Variants in FAM184A observed in about 807,000 individuals in gnomAD.
The protein encoded by FAM184A is protein FAM184A.
A neutral mutation model predicts 143.8 loss-of-function variants in FAM184A; 99 were observed. That is an observed-to-expected ratio of 0.69 (90% confidence interval 0.58 to 0.81). The LOEUF is 0.81. Ranked by LOEUF, FAM184A falls within the 40% of genes least tolerant of loss-of-function variation. The pLI is 0.00. For synonymous variants in FAM184A, 427 were observed against 446.4 expected, an observed-to-expected ratio of 0.96 and a Z score of 0.55; for missense variants, 1,217 against 1,310.5, an observed-to-expected ratio of 0.93 and a Z score of 1.10.
At chr6:119,094,855 T>G (rs1788464972) in intron 1 of FAM184A, among the ~76,000 whole-genome samples, 1 of 151,996 alleles carries the variant, frequency 6.6e-6, no homozygotes. Context: ...AGGAACCATG[T>G]GGAATACACT....
chr6:119,019,081 A>T (rs1240758582), intron 4 of FAM184A, among the ~76,000 whole-genome samples: 2 of 152,222 alleles, frequency 1.3e-5, no homozygotes, highest in South Asian at 2.1e-4. Flanking sequence ...GCTATCACTG[A>T]ATAAGTGACA....
intron 1 of FAM184A, among the ~76,000 whole-genome samples, chr6:119,120,148 C>T (rs12216301): frequency 0.17 from 25,598 of 152,210 alleles, 3,432 homozygotes; most frequent in African/African-American, 0.37. Flanking sequence ...AAAAGAAACC[C>T]TGCACCCATT....
At position 118,980,913 on chromosome 6, in the gene FAM184A, C is replaced by T. The variant is rs148608870; in HGVS notation, c.2089-563G>A. On this transcript the variant is annotated intron_variant, in intron 9 of 17. Coordinates refer to ENST00000338891, the MANE Select transcript of FAM184A (RefSeq NM_024581.6). ...GCTAAGATTATTTGAGAATTAAAAA[C>T]CTACTGTTTAAAAGATACATCAGTT... Among the ~76,000 whole-genome samples, 857 of 152,256 alleles carry T rather than the reference C, an allele frequency of 5.6e-3. 4 individuals are homozygous for T. Among genetic ancestry groups the T allele is most frequent in the Non-Finnish European group, 9.2e-3 (629 of 68,004 alleles).
chr6:119,006,681 T>C, intron 6 of FAM184A, 73 bp from the exon 7 acceptor site: 2 of 1,199,444 alleles, frequency 1.7e-6, no homozygotes, highest in East Asian at 5.2e-5. Flanking sequence ...AATTTCTTCC[T>C]AAAGTTTTTT....
Position 118,975,993 on chromosome 6 carries a change from A to T in FAM184A, c.2507T>A (p.Leu836Ter). 1 of 1,613,598 alleles carries T rather than the reference A, an allele frequency of 6.2e-7. No individual in the cohort carries two copies. The highest frequency in any genetic ancestry group is 1.3e-5 in the African/African-American group (1 of 75,044). The part of the protein sequence containing the change: ...NHQHAAAIDL[L>*]RHNHHQELAA... The stretch of plus-strand genomic sequence containing the variant: ...CAATTCTTGATGATGATTATGCCGT[A>T]ACAAATCAATTGCAGCTGCATGTTG... The change falls in exon 12 of 18, where the codon TTA becomes TAA. Residue 836 changes from leucine to a stop codon, truncating the protein, a stop_gained. Coordinates refer to ENST00000338891, the MANE Select transcript of FAM184A (RefSeq NM_024581.6). LOFTEE classifies it high-confidence loss of function.
chr6:119,141,538 G>A (rs554735296), intron 1 of FAM184A, among the ~76,000 whole-genome samples: 9 of 152,158 alleles, frequency 5.9e-5, no homozygotes, highest in East Asian at 5.8e-4. Flanking sequence ...AGGCAGTGGC[G>A]CGATCTTGGC....
chr6:119,042,598 A>G (rs1242064268), intron 1 of FAM184A, among the ~76,000 whole-genome samples: 2 of 152,228 alleles, frequency 1.3e-5, no homozygotes, highest in Non-Finnish European at 2.9e-5. Context: ...ACTGCTAACA[A>G]GAGCACAGAG....
intron 1 of FAM184A, among the ~76,000 whole-genome samples, chr6:119,110,596 C>T (rs757422319): frequency 6.6e-6 from 1 of 152,044 alleles, no homozygotes; most frequent in South Asian, 2.1e-4. Flanking sequence ...AGCCAGAGGC[C>T]GTTCCTCATG....
At chr6:119,118,758 C>T (rs1319371420) in intron 1 of FAM184A, among the ~76,000 whole-genome samples, 1 of 151,788 alleles carries the variant, frequency 6.6e-6, no homozygotes, top group Non-Finnish European at 1.5e-5. Flanking sequence ...GCGTTAACAG[C>T]ACAAATTGTT....
chr6:119,005,955 T>C (rs757289722), intron 7 of FAM184A: 1 of 591,224 alleles, frequency 1.7e-6, no homozygotes, highest in East Asian at 2.8e-5. Context: ...TCGGTTGAAC[T>C]GGGTCCCCAA....
chr6:119,003,663 A>T, intron 7 of FAM184A, 41 bp from the exon 8 acceptor site: 1 of 1,559,878 alleles, frequency 6.4e-7, no homozygotes, highest in Non-Finnish European at 8.7e-7. Context: ...AAACTTCAAA[A>T]ACAAACACTG....
In FAM184A at chr6:119,029,461, A is replaced by G. The variant is rs562446719; in HGVS notation, c.160-4648T>C. Among the ~76,000 whole-genome samples the G allele has an allele frequency of 2.0e-5, 3 of 152,254 alleles. No individual in the cohort carries two copies. The South Asian group carries it at 6.2e-4, about 32-fold the overall frequency. Reference sequence around the variant, plus strand: ...TGACCACCCAAATCCATAAGAGTCTATCTTTTCTTTATATCTAGAACCTCC... The same window carrying G: ...TGACCACCCAAATCCATAAGAGTCTGTCTTTTCTTTATATCTAGAACCTCC... On this transcript the variant is annotated intron_variant, in intron 1 of 17. Transcript: ENST00000338891.
intron 9 of FAM184A, among the ~76,000 whole-genome samples, chr6:118,988,648 T>G (rs1251320759): frequency 6.6e-6 from 1 of 152,146 alleles, no homozygotes; most frequent in African/African-American, 2.4e-5. Flanking sequence ...AATAATCTGG[T>G]TTTATATTAG....
chr6:119,110,181 G>A (rs1788897481), intron 1 of FAM184A, among the ~76,000 whole-genome samples: 2 of 152,130 alleles, frequency 1.3e-5, no homozygotes, highest in African/African-American at 4.8e-5. Context: ...CCTCACCTGG[G>A]CCATCATCAC....
upstream of FAM184A, among the ~76,000 whole-genome samples, chr6:119,081,928 G>T (rs1473378158): frequency 6.6e-6 from 1 of 152,186 alleles, no homozygotes; most frequent in Non-Finnish European, 1.5e-5. Flanking sequence ...ACATCCAGCT[G>T]CCTGTGTGTT....
At position 119,003,814 on chromosome 6, in the gene FAM184A, A is replaced by G. The variant is rs1658679574; in HGVS notation, c.1816-192T>C. On this transcript the variant is annotated intron_variant, in intron 7 of 17. Coordinates refer to ENST00000338891, the MANE Select transcript of FAM184A (RefSeq NM_024581.6). ...ATATGTAAAACAAATTTTATATTTTACATGTTCTTGTCTAAACTGTATTTT... is the reference window on the plus strand; with the variant it reads ...ATATGTAAAACAAATTTTATATTTTGCATGTTCTTGTCTAAACTGTATTTT... Among the ~76,000 whole-genome samples, 3 of 152,238 alleles carry G rather than the reference A, an allele frequency of 2.0e-5. No homozygotes were observed. The South Asian group carries it at 6.2e-4, about 31-fold the overall frequency.
At chr6:119,087,478 C>T (rs980877921) in intron 1 of FAM184A, among the ~76,000 whole-genome samples, 1 of 152,116 alleles carries the variant, frequency 6.6e-6, no homozygotes, top group African/African-American at 2.4e-5. Flanking sequence ...CTAATAAACA[C>T]ATAAAAAGAT....
intron 1 of FAM184A, among the ~76,000 whole-genome samples, chr6:119,066,299 T>G (rs1787450436): frequency 6.6e-6 from 1 of 152,198 alleles, no homozygotes; most frequent in African/African-American, 2.4e-5. Context: ...AGAACTTGTT[T>G]CCCTGCCTTT....
At position 118,959,954 on chromosome 6, in the gene FAM184A, T is replaced by C; in HGVS notation, c.*149A>G. Reference sequence around the variant, plus strand: ...CCTTATAGAATGATTCCAATAAATATCACAGGAAATACAGTGCATTTTCAA... The same window carrying C: ...CCTTATAGAATGATTCCAATAAATACCACAGGAAATACAGTGCATTTTCAA... On this transcript the variant is annotated 3_prime_UTR_variant, in exon 18 of 18. Transcript: ENST00000338891. 2 of 534,330 alleles carry C rather than the reference T, an allele frequency of 3.7e-6. No individual in the cohort carries two copies. 33.1% of individuals were successfully genotyped at this position (534,330 alleles called of 1,614,324 possible).
Sources: gnomAD v4.1 joint callset for allele counts (sites outside exome capture counted in the v4.1 genomes callset) on GRCh38, gnomAD v4.1.1 for gene constraint, MANE v1.5 for transcripts, NCBI Gene and HGNC (gene_info 2026-07-23, HGNC 2026-07-21) for gene names.